Variants in ERICH2 observed in about 807,000 individuals in gnomAD.
ERICH2 encodes the protein glutamate rich 2, also known as glutamate-rich protein 2.
In ERICH2, 17 loss-of-function variants were observed where a neutral mutation model predicts 17.4. The ratio of observed to expected loss-of-function variants is 0.98; its 90% CI spans 0.67 to 1.47. The LOEUF is 1.47. Among genes scored for constraint, ERICH2 ranks in the 40% most tolerant of loss-of-function variants. ERICH2 has a pLI of 0.00. For missense variants in ERICH2, 186 were observed against 183.2 expected (o/e 1.01, Z -0.09); for synonymous variants, 51 against 61.1 (o/e 0.83, Z 0.77).
At chr2:170,792,817 TG>T in intron 2 of ERICH2, 45 bp from the exon 8 acceptor site, 1 of 1,253,374 alleles carries the variant, frequency 8.0e-7, no homozygotes, top group South Asian at 1.6e-5. Flanking sequence ...AGTTTAGAGT[TG>T]ACAACATTTA....
chr2:170,779,196 T>C (rs751942274), upstream of ERICH2, among the ~76,000 whole-genome samples: 1 of 152,144 alleles, frequency 6.6e-6, no homozygotes, highest in South Asian at 2.1e-4. Flanking sequence ...GATCTTTGCA[T>C]GGGAAGAGTG....
chr2:170,798,917 T>G, exon 5 of ERICH2: 1 of 1,549,404 alleles, frequency 6.5e-7, no homozygotes, highest in Non-Finnish European at 8.7e-7. Flanking sequence ...TACTTGAAGC[T>G]TCATGTATTT....
chr2:170,783,815 G>A (rs1701083380), exon 1 of ERICH2: 5 of 1,550,470 alleles, frequency 3.2e-6, no homozygotes, highest in Non-Finnish European at 4.4e-6. Flanking sequence ...GTGCACACTG[G>A]ACAGTCAGGG....
intron 2 of ERICH2, among the ~76,000 whole-genome samples, chr2:170,785,147 A>C (rs1559252538): frequency 6.6e-6 from 1 of 152,110 alleles, no homozygotes; most frequent in Non-Finnish European, 1.5e-5. Flanking sequence ...CACAAAGAAA[A>C]GATAAGTGTT....
chr2:170,784,978 C>A (rs918731925), intron 2 of ERICH2, 145 bp downstream of exon 7: 2 of 628,592 alleles, frequency 3.2e-6, no homozygotes, highest in Non-Finnish European at 4.8e-6. Flanking sequence ...AGAAGCTGGA[C>A]GGGAAGAAGG....
intron 1 of ERICH2, among the ~76,000 whole-genome samples, chr2:170,784,033 A>C (rs112697941): frequency 2.0e-5 from 3 of 152,206 alleles, no homozygotes; most frequent in African/African-American, 7.2e-5. Flanking sequence ...TCTTCTATGA[A>C]GCTCTCCTAG....
chr2:170,792,651 C>T (rs573059595), intron 2 of ERICH2, among the ~76,000 whole-genome samples: 1 of 152,196 alleles, frequency 6.6e-6, no homozygotes, highest in Non-Finnish European at 1.5e-5. Flanking sequence ...TGCAGGAAAG[C>T]AGAGGTATCA....
At chr2:170,795,563 G>C (rs1460448787) in intron 3 of ERICH2, among the ~76,000 whole-genome samples, 1 of 152,060 alleles carries the variant, frequency 6.6e-6, no homozygotes, top group Admixed American at 6.6e-5. Flanking sequence ...GCCCAGGTTG[G>C]TCTCAAACTC....
exon 1 of ERICH2, chr2:170,783,788 G>A (rs1701082759): frequency 3.9e-6 from 6 of 1,550,150 alleles, no homozygotes; most frequent in Non-Finnish European, 4.4e-6. Flanking sequence ...AGTGCATTGA[G>A]TCAGTCTACA....
chr2:170,774,829 C>T, the ERICH2 span, among the ~76,000 whole-genome samples: 13 of 151,954 alleles, frequency 8.6e-5, no homozygotes, highest in African/African-American at 2.4e-4. Flanking sequence ...CCTGCCTCAG[C>T]CTCCCAAAGT....
intron 3 of ERICH2, among the ~76,000 whole-genome samples, chr2:170,794,604 A>T (rs1371312217): frequency 3.3e-5 from 5 of 152,204 alleles, no homozygotes; most frequent in African/African-American, 9.7e-5. Context: ...CATCTTTTCA[A>T]CTATTTTATG....
chr2:170,791,822 AT>A (rs1009867896), intron 2 of ERICH2, among the ~76,000 whole-genome samples: 1 of 151,868 alleles, frequency 6.6e-6, no homozygotes, highest in Non-Finnish European at 1.5e-5. Flanking sequence ...TAGAAATAAA[AT>A]TTTTTTTAAC....
At chr2:170,797,566 G>T (rs1228450260) in intron 3 of ERICH2, among the ~76,000 whole-genome samples, 1 of 152,126 alleles carries the variant, frequency 6.6e-6, no homozygotes, top group Non-Finnish European at 1.5e-5. Flanking sequence ...GGGAGGCCGA[G>T]GTGGGTGGAT....
chr2:170,782,238 T>C (rs531368593), upstream of ERICH2: 7 of 913,168 alleles, frequency 7.7e-6, no homozygotes, highest in Non-Finnish European at 9.2e-6. Flanking sequence ...GTCTAACATA[T>C]AGGAAGGAAG....
At chr2:170,785,846 A>G (rs954321) in intron 2 of ERICH2, among the ~76,000 whole-genome samples, 62,944 of 151,994 alleles carry the variant, frequency 0.41, 14,610 homozygotes, top group African/African-American at 0.62. Context: ...ATTTACTGAT[A>G]ATTCTATGGA....
intron 2 of ERICH2, among the ~76,000 whole-genome samples, chr2:170,785,057 A>G (rs1425349811): frequency 6.6e-6 from 1 of 152,138 alleles, no homozygotes; most frequent in Non-Finnish European, 1.5e-5. Flanking sequence ...TCTAGTATTC[A>G]GTAGTACAGT....
chr2:170,798,843 C>T (rs1486228821), exon 5 of ERICH2: 10 of 1,550,468 alleles, frequency 6.4e-6, no homozygotes, highest in Middle Eastern at 1.7e-4. Context: ...AAGGAGAAAG[C>T]GATGAGGAGC....
At chr2:170,784,998 A>G (rs1294062604) in intron 2 of ERICH2, among the ~76,000 whole-genome samples, 165 bp downstream of exon 7, 1 of 152,218 alleles carries the variant, frequency 6.6e-6, no homozygotes, top group Non-Finnish European at 1.5e-5. Flanking sequence ...GGAGATAAAG[A>G]GAAGTCCATT....
At chr2:170,777,311 G>C in the ERICH2 span, 31 of 541,810 alleles carry the variant, frequency 5.7e-5, no homozygotes, top group East Asian at 3.2e-3. Flanking sequence ...AAGGCTATTA[G>C]TAAATTATTT....
Sources: gnomAD v4.1 joint callset for allele counts (sites outside exome capture counted in the v4.1 genomes callset) on GRCh38, gnomAD v4.1.1 for gene constraint, MANE v1.5 for transcripts, NCBI Gene and HGNC (gene_info 2026-07-23, HGNC 2026-07-21) for gene names.